The following DNER variants were observed in gnomAD, a reference collection of about 807,000 sequenced individuals.
DNER encodes delta and Notch-like epidermal growth factor-related receptor.
A neutral mutation model predicts 78.2 loss-of-function variants in DNER; 33 were observed. The ratio of observed to expected loss-of-function variants is 0.42; its 90% CI spans 0.32 to 0.56. The LOEUF is 0.56. Ranked by LOEUF, DNER falls within the 20% of genes least tolerant of loss-of-function variation. The pLI, the probability that DNER is intolerant of heterozygous loss-of-function variation, is 0.11. For synonymous variants in DNER, 417 were observed against 384.8 expected (o/e 1.08, Z -0.98); for missense variants, 918 against 975.3 (o/e 0.94, Z 0.78).
Position 229,512,816 on chromosome 2 carries a change from C to T in DNER, c.1114G>A (p.Asp372Asn), listed in dbSNP as rs1695892042. 1 of 1,614,184 alleles carries T rather than the reference C, an allele frequency of 6.2e-7. No homozygotes were observed. Among genetic ancestry groups the T allele is most frequent in the East Asian group, 2.2e-5 (1 of 44,882 alleles). The change falls in exon 6 of 13, where the codon GAT (aspartate) becomes AAT (asparagine). Residue 372 changes from aspartate to asparagine, a missense_variant. Physicochemically the swap from Asp to Asn is conservative, Grantham distance 23 (BLOSUM62 1). Coordinates refer to ENST00000341772, the MANE Select transcript of DNER (RefSeq NM_139072.4). The part of the protein sequence containing the change: ...ASCIDANEKQ[D>N]GSNFTCVCLP... Reference sequence around the variant, plus strand: ...CAAACACAGGTGAAATTGCTCCCATCTTGCTTTTCATTTGCATCAATACAG... The same window carrying T: ...CAAACACAGGTGAAATTGCTCCCATTTTGCTTTTCATTTGCATCAATACAG...
At chr2:229,495,495 G>A (rs1161972464) in intron 6 of DNER, among the ~76,000 whole-genome samples, 1 of 152,098 alleles carries the variant, frequency 6.6e-6, no homozygotes, top group African/African-American at 2.4e-5. Context: ...GACCCAAGAA[G>A]GGCCAATATT....
intron 8 of DNER, among the ~76,000 whole-genome samples, chr2:229,430,872 G>T (rs978938760): frequency 4.6e-5 from 7 of 151,664 alleles, no homozygotes; most frequent in Admixed American, 1.3e-4. Context: ...GATAATATTA[G>T]AAAAACCCTA....
chr2:229,621,362 C>T (rs757591778), intron 1 of DNER, among the ~76,000 whole-genome samples: 20 of 152,170 alleles, frequency 1.3e-4, no homozygotes, highest in Admixed American at 5.9e-4. Flanking sequence ...TTCTCATTGA[C>T]GACCAAATGA....
intron 4 of DNER, among the ~76,000 whole-genome samples, 196 bp downstream of exon 4, chr2:229,585,660 CAA>C (rs1553541555): frequency 1.2e-4 from 16 of 134,184 alleles, no homozygotes; most frequent in Non-Finnish European, 1.4e-4. Flanking sequence ...ACTCCATCAT[CAA>C]AAAAAAAAAA....
At chr2:229,495,301 T>G (rs1340144512) in intron 6 of DNER, among the ~76,000 whole-genome samples, 1 of 152,192 alleles carries the variant, frequency 6.6e-6, no homozygotes, top group African/African-American at 2.4e-5. Flanking sequence ...CAATAGGAGA[T>G]ATACATAAAG....
intron 6 of DNER, among the ~76,000 whole-genome samples, chr2:229,512,248 G>C (rs1320103635): frequency 6.6e-6 from 1 of 151,726 alleles, no homozygotes; most frequent in Non-Finnish European, 1.5e-5. Context: ...CTGGGTGTGG[G>C]GGCGCATGCC....
At chr2:229,708,939 A>T (rs920612046) in intron 1 of DNER, among the ~76,000 whole-genome samples, 2 of 152,248 alleles carry the variant, frequency 1.3e-5, no homozygotes, top group African/African-American at 4.8e-5. Context: ...TTCAAAAGAA[A>T]ACTTCAAGTC....
At chr2:229,618,997 A>G (rs1698210968) in intron 1 of DNER, among the ~76,000 whole-genome samples, 1 of 152,082 alleles carries the variant, frequency 6.6e-6, no homozygotes, top group African/African-American at 2.4e-5. Flanking sequence ...TCTCTACAAA[A>G]AATTTTAAAA....
intron 11 of DNER, among the ~76,000 whole-genome samples, chr2:229,376,191 A>G (rs1418377316): frequency 6.6e-6 from 1 of 152,150 alleles, no homozygotes; most frequent in African/African-American, 2.4e-5. Flanking sequence ...AAACTAATAA[A>G]CTAATCAACG....
intron 1 of DNER, among the ~76,000 whole-genome samples, chr2:229,657,264 C>T (rs1213539235): frequency 1.3e-5 from 2 of 152,112 alleles, no homozygotes; most frequent in East Asian, 3.9e-4. Flanking sequence ...TGGCTTATTT[C>T]ATTTAGCATA....
At chr2:229,623,848 C>T (rs1028922203) in intron 1 of DNER, among the ~76,000 whole-genome samples, 1 of 152,240 alleles carries the variant, frequency 6.6e-6, no homozygotes, top group Non-Finnish European at 1.5e-5. Flanking sequence ...CTCTGCTTCT[C>T]TCCCTGCTGC....
chr2:229,387,504 A>AG lies in DNER; in HGVS notation c.1855+760_1855+761insC, dbSNP rs1491273564. ...AAGAAAAAGAAAGAAAGAAAGAAAGAAAGAGAGAAAGAAAGAAAGAAAGAA... is the reference window on the plus strand; with the variant it reads ...AAGAAAAAGAAAGAAAGAAAGAAAGAGAAGAGAGAAAGAAAGAAAGAAAGAA... On this transcript the variant is annotated intron_variant, in intron 11 of 12. Transcript: ENST00000341772. Among the ~76,000 whole-genome samples the AG allele has an allele frequency of 9.2e-3, 889 of 96,608 alleles. 6 individuals are homozygous for AG. The highest frequency in any genetic ancestry group is 0.014 in the African/African-American group (389 of 28,264). The allele number at this position is 96,608 out of a possible 152,430, so 63.4% of individuals were successfully genotyped here.
chr2:229,420,247 T>C (rs1185916852), intron 8 of DNER, among the ~76,000 whole-genome samples: 1 of 152,148 alleles, frequency 6.6e-6, no homozygotes, highest in East Asian at 1.9e-4. Context: ...TGTCTGGCCC[T>C]TTGCGCAGAA....
At chr2:229,408,483 C>T (rs1693438935) in intron 9 of DNER, among the ~76,000 whole-genome samples, 1 of 152,070 alleles carries the variant, frequency 6.6e-6, no homozygotes, top group South Asian at 2.1e-4. Flanking sequence ...TACATTCTAC[C>T]TTGCCTAAGA....
intron 1 of DNER, among the ~76,000 whole-genome samples, chr2:229,634,121 G>C (rs992720235): frequency 1.3e-5 from 2 of 152,220 alleles, no homozygotes; most frequent in Non-Finnish European, 2.9e-5. Context: ...AAAGAAGGCA[G>C]CTTAAGGAGG....
intron 1 of DNER, among the ~76,000 whole-genome samples, chr2:229,611,762 A>G (rs1698053046): frequency 6.6e-6 from 1 of 152,158 alleles, no homozygotes; most frequent in Admixed American, 6.5e-5. Context: ...CAGAACTCCA[A>G]CCCAGTTCTT....
chr2:229,648,043 C>A (rs949615493), intron 1 of DNER, among the ~76,000 whole-genome samples: 21 of 152,054 alleles, frequency 1.4e-4, no homozygotes, highest in African/African-American at 4.1e-4. Context: ...TATCATTAGC[C>A]TATCATTAGC....
At chr2:229,372,226 G>T (rs746692358) in intron 11 of DNER, among the ~76,000 whole-genome samples, 2 of 152,230 alleles carry the variant, frequency 1.3e-5, no homozygotes, top group Admixed American at 1.3e-4. Flanking sequence ...GGGATGCAGG[G>T]ATCAGGCAAA....
At chr2:229,399,491 T>C (rs959917897) in intron 10 of DNER, among the ~76,000 whole-genome samples, 1 of 152,066 alleles carries the variant, frequency 6.6e-6, no homozygotes, top group African/African-American at 2.4e-5. Flanking sequence ...TACTGGTTTA[T>C]TGTAATTCCT....
Sources: gnomAD v4.1 joint callset for allele counts (sites outside exome capture counted in the v4.1 genomes callset) on GRCh38, gnomAD v4.1.1 for gene constraint, MANE v1.5 for transcripts, NCBI Gene and HGNC (gene_info 2026-07-23, HGNC 2026-07-21) for gene names.